The following NBAS variants were observed in gnomAD, a reference collection of about 807,000 sequenced individuals.
NBAS encodes the protein NBAS subunit of NRZ tethering complex.
A neutral mutation model predicts 302.5 loss-of-function variants in NBAS; 219 were observed. The observed-to-expected ratio is 0.72, with a 90% CI of 0.65 to 0.81. The LOEUF is 0.81. NBAS is among the 30% of genes least tolerant of loss of function. NBAS has a pLI of 0.00. For missense variants in NBAS, 2,932 were observed against 2,841.6 expected (o/e 1.03, Z -0.72); for synonymous variants, 1,118 against 1,021.6 (o/e 1.09, Z -1.80).
At chr2:15,434,143 TTAAA>T (rs1677895875) in intron 21 of NBAS, among the ~76,000 whole-genome samples, 1 of 151,742 alleles carries the variant, frequency 6.6e-6, no homozygotes, top group South Asian at 2.1e-4. Flanking sequence ...ATTAAATTAA[TTAAA>T]TAACTTCCCA....
At chr2:15,021,306 T>C in the NBAS span, among the ~76,000 whole-genome samples, 2 of 151,612 alleles carry the variant, frequency 1.3e-5, no homozygotes, top group African/African-American at 4.9e-5. Context: ...CAGAGTCCAG[T>C]AGGAGAGACC....
intron 8 of NBAS, among the ~76,000 whole-genome samples, chr2:15,535,895 C>A (rs557598489): frequency 6.6e-6 from 1 of 152,232 alleles, no homozygotes; most frequent in Non-Finnish European, 1.5e-5. Flanking sequence ...ATTTTAAACA[C>A]TAGTTGTTCT....
the NBAS span, among the ~76,000 whole-genome samples, chr2:14,812,306 CTA>C: frequency 6.6e-6 from 1 of 152,186 alleles, no homozygotes; most frequent in Non-Finnish European, 1.5e-5. Flanking sequence ...TCAGTTCCTA[CTA>C]GTCAAAGCTA....
At chr2:14,983,145 A>T in the NBAS span, among the ~76,000 whole-genome samples, 3 of 152,228 alleles carry the variant, frequency 2.0e-5, no homozygotes, top group Non-Finnish European at 4.4e-5. Flanking sequence ...TGTAAGACAG[A>T]GACAATACTA....
chr2:14,796,103 A>G, the NBAS span, among the ~76,000 whole-genome samples: 1 of 152,216 alleles, frequency 6.6e-6, no homozygotes, highest in Non-Finnish European at 1.5e-5. Context: ...TGTTGAAAAG[A>G]ATATTCTTTC....
At chr2:15,120,469 T>C in the NBAS span, among the ~76,000 whole-genome samples, 2 of 151,936 alleles carry the variant, frequency 1.3e-5, no homozygotes, top group Admixed American at 1.3e-4. Flanking sequence ...TTAATCCTCA[T>C]ATGACACTCT....
intron 21 of NBAS, among the ~76,000 whole-genome samples, chr2:15,432,057 A>G (rs189168886): frequency 8.2e-4 from 125 of 152,210 alleles, no homozygotes; most frequent in African/African-American, 2.9e-3. Flanking sequence ...CATTAAGTCA[A>G]TTACTAAATG....
chr2:15,208,867 A>G (rs1666272488), intron 48 of NBAS, among the ~76,000 whole-genome samples: 1 of 152,142 alleles, frequency 6.6e-6, no homozygotes, highest in African/African-American at 2.4e-5. Context: ...ACTTCAAATA[A>G]CCTAACAATG....
chr2:14,892,817 G>A, the NBAS span, among the ~76,000 whole-genome samples: 32 of 152,010 alleles, frequency 2.1e-4, no homozygotes, highest in African/African-American at 5.8e-4. Context: ...GTTTGGATTC[G>A]ATTTTTATCA....
chr2:14,888,447 G>A, the NBAS span, among the ~76,000 whole-genome samples: 5,762 of 149,606 alleles, frequency 0.039, 140 homozygotes, highest in Non-Finnish European at 0.052. Flanking sequence ...CACGGCACCC[G>A]GCCCCCCCTT....
the NBAS span, among the ~76,000 whole-genome samples, chr2:14,960,931 A>G: frequency 1.3e-5 from 2 of 152,170 alleles, no homozygotes; most frequent in Admixed American, 1.3e-4. Context: ...GTTACCACCT[A>G]GAGGCAAACC....
the NBAS span, among the ~76,000 whole-genome samples, chr2:14,862,879 C>G: frequency 7.9e-5 from 12 of 152,170 alleles, no homozygotes; most frequent in African/African-American, 2.9e-4. Flanking sequence ...TCAGGTTTCT[C>G]CCATCTGGTG....
intron 51 of NBAS, among the ~76,000 whole-genome samples, chr2:15,171,197 G>A (rs955329851): frequency 7.9e-5 from 12 of 152,084 alleles, no homozygotes; most frequent in African/African-American, 2.7e-4. Flanking sequence ...CTGACATTTT[G>A]TTTAACTCTC....
At chr2:15,257,491 C>G (rs566197376) in intron 44 of NBAS, among the ~76,000 whole-genome samples, 21 of 150,712 alleles carry the variant, frequency 1.4e-4, no homozygotes, top group African/African-American at 5.1e-4. Context: ...CTCCCGCATT[C>G]GAGAGATTCT....
chr2:14,917,572 C>A, the NBAS span, among the ~76,000 whole-genome samples: 1 of 152,194 alleles, frequency 6.6e-6, no homozygotes, highest in Admixed American at 6.5e-5. Flanking sequence ...TACCAGGAAG[C>A]AGAGATTATT....
At chr2:15,094,172 A>C in the NBAS span, among the ~76,000 whole-genome samples, 1 of 152,258 alleles carries the variant, frequency 6.6e-6, no homozygotes, top group East Asian at 1.9e-4. Flanking sequence ...TAAAAAAGTC[A>C]TTTGCCTAGA....
chr2:15,149,934 G>A, the NBAS span, among the ~76,000 whole-genome samples: 1 of 151,896 alleles, frequency 6.6e-6, no homozygotes, highest in African/African-American at 2.4e-5. Context: ...CTCTCTCTAG[G>A]TGCAGTGGCT....
Position 15,186,883 on chromosome 2 carries a change from G to A in NBAS, c.6573-3C>T, listed in dbSNP as rs763734782. The A allele has an allele frequency of 6.2e-7, 1 of 1,613,800 alleles. No homozygotes were observed. The highest frequency in any genetic ancestry group is 1.3e-5 in the African/African-American group (1 of 74,984). On this transcript the variant is annotated splice_polypyrimidine_tract_variant and splice_region_variant and intron_variant, in intron 49 of 51. Transcript: ENST00000281513. ...TCACCCATGGATTATTGGTTATGCT[G>A]GTGTTTATGGAGAAAAATACAAGGC...
At chr2:14,929,408 T>A in the NBAS span, among the ~76,000 whole-genome samples, 776 of 152,328 alleles carry the variant, frequency 5.1e-3, 7 homozygotes, top group African/African-American at 0.018. Flanking sequence ...AGACGGAGTC[T>A]CACTCTGTCG....
Sources: allele counts gnomAD v4.1 joint callset (sites outside exome capture counted in the v4.1 genomes callset), GRCh38; gene constraint gnomAD v4.1.1; transcripts MANE v1.5; gene names NCBI Gene and HGNC (gene_info 2026-07-23, HGNC 2026-07-21).